PTPRD: variants seen among roughly 807,000 people sequenced by gnomAD.
PTPRD encodes receptor-type tyrosine-protein phosphatase delta.
PTPRD carries 34 observed loss-of-function variants against 214.5 expected under a neutral mutation model. The ratio of observed to expected loss-of-function variants is 0.16; its 90% CI spans 0.12 to 0.21. The LOEUF is 0.21. Ranked by LOEUF, PTPRD falls within the 10% of genes least tolerant of loss-of-function variation. The pLI, the probability that PTPRD is intolerant of heterozygous loss-of-function variation, is 1.00. For missense variants in PTPRD, 2,545 were observed against 2,398.7 expected (o/e 1.06, Z -1.27); for synonymous variants, 1,128 against 845.7 (o/e 1.33, Z -5.79).
intron 9 of PTPRD, among the ~76,000 whole-genome samples, chr9:9,388,992 T>C (rs1436428353): frequency 6.6e-6 from 1 of 152,128 alleles, no homozygotes; most frequent in Non-Finnish European, 1.5e-5. Flanking sequence ...ATGCATATAT[T>C]TCAGTTTGTA....
chr9:9,318,499 C>T (rs571489613), intron 9 of PTPRD, among the ~76,000 whole-genome samples: 1 of 152,174 alleles, frequency 6.6e-6, no homozygotes, highest in Non-Finnish European at 1.5e-5. Context: ...CCAGTTTGTG[C>T]AAAGAAACCA....
chr9:9,445,629 T>G (rs1355093164), intron 8 of PTPRD, among the ~76,000 whole-genome samples: 1 of 152,114 alleles, frequency 6.6e-6, no homozygotes, highest in African/African-American at 2.4e-5. Context: ...GAAAATCCTC[T>G]TATCAAATCA....
intron 7 of PTPRD, among the ~76,000 whole-genome samples, chr9:9,620,420 T>C (rs928122909): frequency 4.6e-5 from 7 of 152,154 alleles, no homozygotes; most frequent in African/African-American, 1.4e-4. Context: ...CTTGGGAGGA[T>C]TGTATTCCAT....
rs2033739328 is a variant in PTPRD, at chr9:10,250,827, C to T, written c.-545+90136G>A. ...GGAATAAGATATATGCATAAGTATA[C>T]ATATTTATATGTGTATAATCATATG... is the stretch of plus-strand genomic sequence containing the variant. On this transcript the variant is annotated intron_variant, in intron 3 of 45. Transcript: ENST00000381196. 2.6e-5 allele frequency among the ~76,000 whole-genome samples: 4 copies of T among 151,694 alleles called. No individual in the cohort carries two copies. In the South Asian group the frequency reaches 8.3e-4, roughly 32 times the overall value.
chr9:10,300,448 G>A (rs1296075487), intron 3 of PTPRD, among the ~76,000 whole-genome samples: 2 of 152,212 alleles, frequency 1.3e-5, no homozygotes, highest in Non-Finnish European at 2.9e-5. Flanking sequence ...TGAAGCCAGA[G>A]ACACAAGTGG....
At chr9:10,325,033 A>G (rs567158639) in intron 3 of PTPRD, among the ~76,000 whole-genome samples, 2 of 152,152 alleles carry the variant, frequency 1.3e-5, no homozygotes, top group South Asian at 2.1e-4. Flanking sequence ...TTTCCCTAGT[A>G]TATGTTAAAG....
chr9:8,721,816 G>C (rs559835789), intron 12 of PTPRD, among the ~76,000 whole-genome samples: 5 of 152,206 alleles, frequency 3.3e-5, no homozygotes, highest in African/African-American at 1.2e-4. Flanking sequence ...TCAAGAGCTT[G>C]TGAAAGGTCT....
intron 37 of PTPRD, among the ~76,000 whole-genome samples, chr9:8,383,955 T>C (rs1001341319): frequency 1.3e-5 from 2 of 152,076 alleles, no homozygotes; most frequent in African/African-American, 4.8e-5. Flanking sequence ...AAGCATGAGG[T>C]TGATGCATTC....
At chr9:8,856,141 AAAGT>A (rs1384910909) in intron 11 of PTPRD, among the ~76,000 whole-genome samples, 3 of 152,202 alleles carry the variant, frequency 2.0e-5, no homozygotes, top group Non-Finnish European at 2.9e-5. Flanking sequence ...ATATATGTTC[AAAGT>A]AAGTAAGATA....
At chr9:10,221,620 C>T (rs971666255) in intron 3 of PTPRD, among the ~76,000 whole-genome samples, 19 of 151,846 alleles carry the variant, frequency 1.3e-4, no homozygotes, top group African/African-American at 4.1e-4. Context: ...CATACAATGT[C>T]TTTATATTAG....
At chr9:8,320,960 G>A (rs889363914) in intron 44 of PTPRD, among the ~76,000 whole-genome samples, 4 of 152,050 alleles carry the variant, frequency 2.6e-5, no homozygotes, top group African/African-American at 4.8e-5. Flanking sequence ...GAAAATAGAT[G>A]GATTCATTTA....
chr9:8,318,448 A>ATTATG (rs56978407), intron 45 of PTPRD, among the ~76,000 whole-genome samples: 8,779 of 152,072 alleles, frequency 0.058, 800 homozygotes, highest in African/African-American at 0.2. Flanking sequence ...TTTTTAAAAA[A>ATTATG]TTATGTTTGG....
chr9:8,886,415 T>C (rs910082499), intron 11 of PTPRD, among the ~76,000 whole-genome samples: 5 of 152,226 alleles, frequency 3.3e-5, no homozygotes, highest in African/African-American at 7.2e-5. Context: ...CATATGGTTA[T>C]TATGTTCCAG....
chr9:8,852,365 T>C (rs558417275), intron 11 of PTPRD, among the ~76,000 whole-genome samples: 118 of 152,366 alleles, frequency 7.7e-4, no homozygotes, highest in African/African-American at 2.7e-3. Flanking sequence ...AAGGTCACTA[T>C]GCTCCTGACA....
At chr9:9,463,484 G>A (rs1386714197) in intron 8 of PTPRD, among the ~76,000 whole-genome samples, 1 of 152,056 alleles carries the variant, frequency 6.6e-6, no homozygotes, top group Non-Finnish European at 1.5e-5. Context: ...GCTGGAGGTG[G>A]AGGAGGCAGG....
chr9:9,647,761 C>T (rs2096233211), intron 7 of PTPRD, among the ~76,000 whole-genome samples: 1 of 152,152 alleles, frequency 6.6e-6, no homozygotes, highest in South Asian at 2.1e-4. Context: ...ATGTAGGGCA[C>T]TTCCTATTAG....
At chr9:9,435,194 TG>T (rs2084738793) in intron 8 of PTPRD, among the ~76,000 whole-genome samples, 1 of 151,984 alleles carries the variant, frequency 6.6e-6, no homozygotes, top group South Asian at 2.1e-4. Flanking sequence ...TGCTAGTAAG[TG>T]GGAAAAAGTT....
rs185998073 is a variant in PTPRD at position 8,619,676 on chromosome 9, G to A, written c.352+13641C>T. 9.9e-5 allele frequency among the ~76,000 whole-genome samples: 15 copies of A among 151,592 alleles called. 1 individual carries two copies. On this transcript the variant is annotated intron_variant, in intron 14 of 45. Transcript: ENST00000381196. ...GTTCTCAGAGCTCTCTTTCTACCCAGGTTACACAGAAACTCAAGGACGATG... is the reference window on the plus strand; with the variant it reads ...GTTCTCAGAGCTCTCTTTCTACCCAAGTTACACAGAAACTCAAGGACGATG...
At chr9:10,198,360 T>A (rs1292849843) in intron 3 of PTPRD, among the ~76,000 whole-genome samples, 4 of 152,140 alleles carry the variant, frequency 2.6e-5, no homozygotes, top group Admixed American at 2.0e-4. Context: ...TGGTCAGGCA[T>A]GAATGATAGT....
Sources: allele counts gnomAD v4.1 joint callset (sites outside exome capture counted in the v4.1 genomes callset), GRCh38; gene constraint gnomAD v4.1.1; transcripts MANE v1.5; gene names NCBI Gene and HGNC (gene_info 2026-07-23, HGNC 2026-07-21).